The following KIAA1328 variants were observed in gnomAD, a reference collection of about 807,000 sequenced individuals.
KIAA1328 encodes the protein KIAA1328.
KIAA1328 carries 52 observed loss-of-function variants against 68.1 expected under a neutral mutation model. The observed-to-expected ratio is 0.76, with a 90% CI of 0.61 to 0.96. The LOEUF (loss-of-function observed/expected upper bound fraction) is 0.96. KIAA1328 is among the 40% of genes least tolerant of loss of function. KIAA1328 has a pLI of 0.00. For synonymous variants in KIAA1328, 232 were observed against 239.4 expected (o/e 0.97, Z 0.28); for missense variants, 641 against 677.6 (o/e 0.95, Z 0.60).
intron 6 of KIAA1328, among the ~76,000 whole-genome samples, chr18:37,002,513 C>T (rs957179054): frequency 6.6e-6 from 1 of 151,664 alleles, no homozygotes; most frequent in East Asian, 1.9e-4. Context: ...GCCACTGCAC[C>T]TGGCAGGTAG....
intron 5 of KIAA1328, among the ~76,000 whole-genome samples, chr18:36,927,589 A>G (rs1329618556): frequency 1.3e-5 from 2 of 152,108 alleles, no homozygotes; most frequent in Admixed American, 1.3e-4. Flanking sequence ...TCTACAAAAA[A>G]AAATTTTTTT....
intron 6 of KIAA1328, among the ~76,000 whole-genome samples, chr18:36,979,969 T>C (rs576393757): frequency 6.6e-6 from 1 of 152,154 alleles, no homozygotes; most frequent in Non-Finnish European, 1.5e-5. Context: ...CTCACCGTCA[T>C]GAACAGAGTA....
chr18:36,983,595 G>C (rs372283063), intron 6 of KIAA1328, among the ~76,000 whole-genome samples: 13 of 151,966 alleles, frequency 8.6e-5, no homozygotes, highest in African/African-American at 2.9e-4. Context: ...GGATAACCTA[G>C]TTTTATATCT....
At chr18:37,216,807 G>T (rs923693441) in intron 9 of KIAA1328, among the ~76,000 whole-genome samples, 9 of 151,620 alleles carry the variant, frequency 5.9e-5, no homozygotes, top group Non-Finnish European at 1.3e-4. Flanking sequence ...ATGAATCTGG[G>T]TGCTCCTGTA....
intron 6 of KIAA1328, among the ~76,000 whole-genome samples, chr18:36,964,315 A>C (rs2051824001): frequency 6.6e-6 from 1 of 152,144 alleles, no homozygotes; most frequent in Non-Finnish European, 1.5e-5. Context: ...TAAAACATAA[A>C]ATTTTATTCT....
chr18:36,991,871 C>G (rs1273783386), intron 6 of KIAA1328, among the ~76,000 whole-genome samples: 2 of 152,148 alleles, frequency 1.3e-5, no homozygotes, highest in East Asian at 3.9e-4. Context: ...AGATTGGGCC[C>G]AGAGCTGGGA....
At chr18:37,038,793 A>C (rs2055131805) in intron 6 of KIAA1328, among the ~76,000 whole-genome samples, 2 of 152,166 alleles carry the variant, frequency 1.3e-5, no homozygotes, top group Admixed American at 1.3e-4. Flanking sequence ...CTTGGAGGAA[A>C]AGCATTGTCT....
intron 5 of KIAA1328, among the ~76,000 whole-genome samples, chr18:36,894,344 T>A (rs1465867555): frequency 1.3e-5 from 2 of 152,180 alleles, no homozygotes; most frequent in Non-Finnish European, 2.9e-5. Context: ...TTAAGCAATT[T>A]TCTTATATTT....
chr18:37,225,383 T>G (rs2060628042), downstream of KIAA1328: 3 of 887,890 alleles, frequency 3.4e-6, no homozygotes, highest in Non-Finnish European at 4.0e-6. Flanking sequence ...ATCAGATCAG[T>G]GAGGCATAGC....
chr18:36,882,818 T>G (rs1015797723), intron 4 of KIAA1328, among the ~76,000 whole-genome samples: 1 of 152,180 alleles, frequency 6.6e-6, no homozygotes, highest in African/African-American at 2.4e-5. Context: ...ATCTGTGCAT[T>G]TACATTAATG....
intron 4 of KIAA1328, among the ~76,000 whole-genome samples, chr18:36,856,261 A>G (rs2047379256): frequency 1.3e-5 from 2 of 151,992 alleles, no homozygotes; most frequent in Admixed American, 1.3e-4. Flanking sequence ...TTCTTCAGGT[A>G]TGCCTTTTTG....
chr18:36,918,070 C>G (rs1275623032), intron 5 of KIAA1328, among the ~76,000 whole-genome samples: 1 of 151,908 alleles, frequency 6.6e-6, no homozygotes, highest in African/African-American at 2.4e-5. Context: ...ACGACTTCAT[C>G]ATTACAGGAA....
At chr18:36,917,606 T>C (rs2049757042) in intron 5 of KIAA1328, among the ~76,000 whole-genome samples, 2 of 152,152 alleles carry the variant, frequency 1.3e-5, no homozygotes, top group African/African-American at 4.8e-5. Flanking sequence ...TAGCTGAAAT[T>C]TTTTATTAGT....
At chr18:37,127,008 CT>C (rs1315306422) in intron 7 of KIAA1328, among the ~76,000 whole-genome samples, 5 of 152,118 alleles carry the variant, frequency 3.3e-5, no homozygotes, top group African/African-American at 1.2e-4. Context: ...CCGTACCCTA[CT>C]AAGACTGGAA....
chr18:37,110,170 A>G (rs1366333953), intron 7 of KIAA1328, among the ~76,000 whole-genome samples: 1 of 152,174 alleles, frequency 6.6e-6, no homozygotes, highest in East Asian at 1.9e-4. Context: ...GGTAGAATCC[A>G]AAAGACTGTT....
intron 9 of KIAA1328, among the ~76,000 whole-genome samples, chr18:37,191,058 T>C (rs1265874106): frequency 1.3e-5 from 2 of 152,210 alleles, no homozygotes; most frequent in Non-Finnish European, 2.9e-5. Context: ...TCCTGCTTTA[T>C]TCATTTCTTG....
chr18:36,982,537 GA>G (rs1184827359), intron 6 of KIAA1328, among the ~76,000 whole-genome samples: 2 of 149,188 alleles, frequency 1.3e-5, no homozygotes, highest in South Asian at 2.1e-4. Flanking sequence ...TCTATACCCA[GA>G]AAAAAAAACT....
At chr18:37,036,990 A>C (rs956715590) in intron 6 of KIAA1328, among the ~76,000 whole-genome samples, 1 of 152,158 alleles carries the variant, frequency 6.6e-6, no homozygotes, top group African/African-American at 2.4e-5. Context: ...ATTTTCTTGT[A>C]GTAATTTTTT....
chr18:37,169,748 T>G (rs1215074362), intron 8 of KIAA1328, among the ~76,000 whole-genome samples: 1 of 152,218 alleles, frequency 6.6e-6, no homozygotes, highest in Non-Finnish European at 1.5e-5. Context: ...ATTCTTATCC[T>G]TTTCAGGGTC....
Sources: gnomAD v4.1 joint callset for allele counts (sites outside exome capture counted in the v4.1 genomes callset) on GRCh38, gnomAD v4.1.1 for gene constraint, MANE v1.5 for transcripts, NCBI Gene and HGNC (gene_info 2026-07-23, HGNC 2026-07-21) for gene names.